ZSWIM3: variants seen among roughly 807,000 people sequenced by gnomAD.
ZSWIM3 encodes zinc finger SWIM domain-containing protein 3.
ZSWIM3 carries 27 observed loss-of-function variants against 47.5 expected under a neutral mutation model. That is an observed-to-expected ratio of 0.57 (90% CI 0.42 to 0.78). The LOEUF (loss-of-function observed/expected upper bound fraction) is 0.78. Ranked by LOEUF, ZSWIM3 falls within the 30% of genes least tolerant of loss-of-function variation. The probability of loss-of-function intolerance (pLI) is 0.00; values close to 1 mark genes in which losing one functional copy is unlikely to be tolerated. For missense variants in ZSWIM3, 689 were observed against 861.3 expected (o/e 0.80, Z 2.50); for synonymous variants, 333 against 333.9 (o/e 1.00, Z 0.03).
intron 1 of ZSWIM3, among the ~76,000 whole-genome samples, chr20:45,867,001 A>ATTTTT (rs143983594): frequency 0.011 from 1,448 of 131,044 alleles, 62 homozygotes; most frequent in African/African-American, 0.035. Flanking sequence ...TCAAGTTAGA[A>ATTTTT]ATTTTTTTTT....
chr20:45,860,492 C>A (rs1343538887), intron 1 of ZSWIM3, among the ~76,000 whole-genome samples: 2 of 131,248 alleles, frequency 1.5e-5, no homozygotes, highest in Non-Finnish European at 3.1e-5. Context: ...GCCTCGGCAA[C>A]AGAGCGAGAC....
chr20:45,858,408 A>C (rs1021699963), intron 1 of ZSWIM3, among the ~76,000 whole-genome samples: 1 of 152,194 alleles, frequency 6.6e-6, no homozygotes, highest in Non-Finnish European at 1.5e-5. Context: ...TTGTTGAAAC[A>C]GGGTCTCACT....
At chr20:45,859,438 A>AG (rs141947687) in intron 1 of ZSWIM3, among the ~76,000 whole-genome samples, 73,879 of 146,584 alleles carry the variant, frequency 0.5, 20,127 homozygotes, top group Admixed American at 0.62. Context: ...AAAAAAAAAA[A>AG]AAGAAATGTA....
chr20:45,861,041 G>C (rs1231332022), intron 1 of ZSWIM3, among the ~76,000 whole-genome samples: 5 of 152,156 alleles, frequency 3.3e-5, no homozygotes, highest in Non-Finnish European at 7.3e-5. Flanking sequence ...CAGGGAGATT[G>C]CTTGAAATGA....
At chr20:45,872,127 C>A (rs1237984938) in intron 1 of ZSWIM3, among the ~76,000 whole-genome samples, 1 of 152,196 alleles carries the variant, frequency 6.6e-6, no homozygotes, top group African/African-American at 2.4e-5. Flanking sequence ...GTTTTCCCAT[C>A]TGTAAAATGT....
At chr20:45,875,820 T>C (rs1601118516) in intron 1 of ZSWIM3, among the ~76,000 whole-genome samples, 1 of 152,238 alleles carries the variant, frequency 6.6e-6, no homozygotes, top group East Asian at 1.9e-4. Flanking sequence ...TCTATTAATA[T>C]ATGAATCCTT....
intron 1 of ZSWIM3, among the ~76,000 whole-genome samples, chr20:45,864,008 C>G (rs1985772840): frequency 6.6e-6 from 1 of 152,030 alleles, no homozygotes; most frequent in Admixed American, 6.6e-5. Flanking sequence ...AAAACAACAG[C>G]ATAAATAACT....
rs1424094766 is a variant in ZSWIM3, at chr20:45,877,231, C to T, written c.673C>T (p.Arg225Trp). The T allele has an allele frequency of 3.1e-6, 5 of 1,613,918 alleles. No homozygotes were observed. The highest frequency in any genetic ancestry group is 3.4e-6 in the Non-Finnish European group (4 of 1,180,020). ...IRFPENLLLHRVENTQGHILY... is the reference protein window; with the variant it reads ...IRFPENLLLHWVENTQGHILY... ...CTTCCCAGAGAATCTCTTGCTACAC[C>T]GGGTGGAGAACACCCAGGGCCACAT... The change falls in exon 2 of 2, where the codon CGG becomes TGG. Residue 225 changes from arginine to tryptophan, a missense_variant. Physicochemically the swap from Arg to Trp is moderately radical, Grantham distance 101. Transcript: ENST00000255152.
intron 1 of ZSWIM3, among the ~76,000 whole-genome samples, chr20:45,874,867 G>A (rs73308350): frequency 0.014 from 2,067 of 152,114 alleles, 52 homozygotes; most frequent in African/African-American, 0.047. Context: ...GGGGGCTGGA[G>A]TTGGAGAGGC....
rs749029309 is a variant in ZSWIM3 at position 45,878,662 on chromosome 20, G to A, written c.*13G>A. 3.4e-5 allele frequency: 54 copies of A among 1,592,548 alleles called. No homozygotes were observed. Among genetic ancestry groups the A allele is most frequent in the Non-Finnish European group, 4.5e-5 (53 of 1,166,272 alleles). Reference sequence around the variant, plus strand: ...GATGCATTATTGAAGCACTTTAGCTGAAGCATTGGACCACAAACACTTCTC... The same window carrying A: ...GATGCATTATTGAAGCACTTTAGCTAAAGCATTGGACCACAAACACTTCTC... On this transcript the variant is annotated 3_prime_UTR_variant, in exon 2 of 2. Coordinates refer to ENST00000255152, the MANE Select transcript of ZSWIM3 (RefSeq NM_080752.4).
intron 1 of ZSWIM3, chr20:45,872,880 A>G: frequency 8.3e-7 from 1 of 1,209,146 alleles, no homozygotes; most frequent in South Asian, 1.4e-5. Context: ...AGACTCACAC[A>G]TCCTGTTTTC....
chr20:45,865,442 C>G (rs1377030015), intron 1 of ZSWIM3, among the ~76,000 whole-genome samples: 1 of 151,878 alleles, frequency 6.6e-6, no homozygotes, highest in East Asian at 1.9e-4. Flanking sequence ...GAGCCAAGAT[C>G]GTGCCACTGT....
chr20:45,857,669 T>C lies in ZSWIM3; in HGVS notation c.-157T>C, dbSNP rs1985560551. The stretch of plus-strand genomic sequence containing the variant: ...GTAACCCGGTCAGGCCTAGGGTTCC[T>C]CCCTGAGTTCCAGAATAGGCCACCC... On this transcript the variant is annotated 5_prime_UTR_variant, in exon 1 of 2. Transcript: ENST00000255152. 2.3e-6 allele frequency: 2 copies of C among 878,842 alleles called. No individual in the cohort carries two copies. Among genetic ancestry groups the C allele is most frequent in the Non-Finnish European group, 1.8e-6 (1 of 561,430 alleles). The allele number at this position is 878,842 out of a possible 1,614,324, so 54.4% of individuals were successfully genotyped here.
At chr20:45,860,366 T>C (rs1217151574) in intron 1 of ZSWIM3, among the ~76,000 whole-genome samples, 1 of 151,846 alleles carries the variant, frequency 6.6e-6, no homozygotes, top group Non-Finnish European at 1.5e-5. Flanking sequence ...AATACAAAAA[T>C]TAGCTAGGCG....
chr20:45,870,335 G>A (rs1194828906), intron 1 of ZSWIM3, among the ~76,000 whole-genome samples: 1 of 116,774 alleles, frequency 8.6e-6, no homozygotes, highest in Non-Finnish European at 2.1e-5. Context: ...GGGAGACTCC[G>A]TCTCAAAAAA....
At chr20:45,874,797 A>G (rs1466293267) in intron 1 of ZSWIM3, among the ~76,000 whole-genome samples, 1 of 152,140 alleles carries the variant, frequency 6.6e-6, no homozygotes, top group Non-Finnish European at 1.5e-5. Context: ...GTTGGCAGCT[A>G]CAAATGGCAA....
At position 45,862,570 on chromosome 20, in the gene ZSWIM3, C is replaced by A. The variant is rs534314060; in HGVS notation, c.155+4590C>A. Among the ~76,000 whole-genome samples, 21 of 152,242 alleles carry A rather than the reference C, an allele frequency of 1.4e-4. 1 individual carries two copies. Among genetic ancestry groups the A allele is most frequent in the South Asian group, 1.0e-3 (5 of 4,822 alleles). Reference sequence around the variant, plus strand: ...GCAGTGGTGCAATCTTGGCTCACTGCAACCTCTGCCTCCCGGGTTCAAGTG... The same window carrying A: ...GCAGTGGTGCAATCTTGGCTCACTGAAACCTCTGCCTCCCGGGTTCAAGTG... On this transcript the variant is annotated intron_variant, in intron 1 of 1. Coordinates refer to ENST00000255152, the MANE Select transcript of ZSWIM3 (RefSeq NM_080752.4).
At chr20:45,864,217 G>A (rs1985778136) in intron 1 of ZSWIM3, among the ~76,000 whole-genome samples, 1 of 152,192 alleles carries the variant, frequency 6.6e-6, no homozygotes, top group Non-Finnish European at 1.5e-5. Flanking sequence ...CCACCCCTGA[G>A]GACAATAGCG....
At chr20:45,864,300 TTGTGA>T (rs1479265442) in intron 1 of ZSWIM3, among the ~76,000 whole-genome samples, 3 of 152,160 alleles carry the variant, frequency 2.0e-5, no homozygotes, top group Non-Finnish European at 4.4e-5. Context: ...TGACTGCTGG[TTGTGA>T]TGTTATAAAG....
Sources: gnomAD v4.1 joint callset for allele counts (sites outside exome capture counted in the v4.1 genomes callset) on GRCh38, gnomAD v4.1.1 for gene constraint, MANE v1.5 for transcripts, NCBI Gene and HGNC (gene_info 2026-07-23, HGNC 2026-07-21) for gene names.